The following GAPVD1 variants were observed in gnomAD, a reference collection of about 807,000 sequenced individuals.
GAPVD1 encodes the protein GTPase activating protein and VPS9 domains 1.
GAPVD1 carries 35 observed loss-of-function variants against 155.5 expected under a neutral mutation model. The observed-to-expected ratio is 0.23, with a 90% CI of 0.17 to 0.30. The LOEUF (loss-of-function observed/expected upper bound fraction) is 0.30. Ranked by LOEUF, GAPVD1 falls within the 10% of genes least tolerant of loss-of-function variation. The probability of loss-of-function intolerance (pLI) is 1.00; values close to 1 mark genes in which losing one functional copy is unlikely to be tolerated. For synonymous variants in GAPVD1, 636 were observed against 619.7 expected (o/e 1.03, Z -0.39); for missense variants, 1,429 against 1,775.7 (o/e 0.80, Z 3.51).
At chr9:125,335,643 C>T (rs1174734942) in intron 15 of GAPVD1, among the ~76,000 whole-genome samples, 1 of 152,108 alleles carries the variant, frequency 6.6e-6, no homozygotes, top group East Asian at 1.9e-4. Context: ...CACCACTGCA[C>T]TCCACCCTGG....
At chr9:125,269,734 T>G (rs536604070) in intron 2 of GAPVD1, among the ~76,000 whole-genome samples, 35 of 139,298 alleles carry the variant, frequency 2.5e-4, no homozygotes, top group African/African-American at 8.5e-4. Flanking sequence ...TTTTTTTTTT[T>G]GGAGGCAGAG....
At chr9:125,288,501 T>C (rs546206848) in intron 2 of GAPVD1, among the ~76,000 whole-genome samples, 1 of 152,338 alleles carries the variant, frequency 6.6e-6, no homozygotes, top group South Asian at 2.1e-4. Flanking sequence ...TTTCTACCTT[T>C]TGTTTTGAAG....
intron 13 of GAPVD1, among the ~76,000 whole-genome samples, chr9:125,331,204 A>ATT (rs5900651): frequency 6.8e-6 from 1 of 146,576 alleles, no homozygotes. Flanking sequence ...GTGTTTTATA[A>ATT]TTTTTTTTTT....
intron 4 of GAPVD1, among the ~76,000 whole-genome samples, chr9:125,301,194 T>C (rs1163578841): frequency 6.6e-6 from 1 of 152,054 alleles, no homozygotes; most frequent in African/African-American, 2.4e-5. Context: ...CTCAGCCTCC[T>C]GAGTGCTGGG....
At chr9:125,305,838 G>T (rs1841707835) in intron 6 of GAPVD1, among the ~76,000 whole-genome samples, 1 of 152,026 alleles carries the variant, frequency 6.6e-6, no homozygotes, top group South Asian at 2.1e-4. Context: ...TATTGTTATA[G>T]AGACGAGGTC....
intron 4 of GAPVD1, among the ~76,000 whole-genome samples, chr9:125,301,674 T>A (rs890386006): frequency 3.3e-5 from 5 of 152,068 alleles, no homozygotes; most frequent in African/African-American, 1.2e-4. Flanking sequence ...GGTCTCGACC[T>A]CCTGGCCTCA....
intron 4 of GAPVD1, among the ~76,000 whole-genome samples, chr9:125,300,039 ATATATATATATATAT>A (rs1485466794): frequency 0.018 from 268 of 15,148 alleles, 71 homozygotes; most frequent in East Asian, 0.029. Context: ...AAAAAAAAAA[ATATATATATATATAT>A]ATATATATAT....
At chr9:125,299,164 A>G in intron 4 of GAPVD1, 58 bp downstream of exon 4, 1 of 839,556 alleles carries the variant, frequency 1.2e-6, no homozygotes, top group South Asian at 2.0e-5. Flanking sequence ...CTGTAAATAA[A>G]TTAGTAACTA....
intron 26 of GAPVD1, 53 bp from the exon 27 acceptor site, chr9:125,360,475 C>T (rs751252879): frequency 2.8e-4 from 400 of 1,440,600 alleles, no homozygotes; most frequent in East Asian, 4.8e-4. Flanking sequence ...GTAGTCACTG[C>T]GCAGGGTTGC....
chr9:125,350,469 G>A (rs1240605553), intron 22 of GAPVD1, 65 bp downstream of exon 22: 6 of 1,021,326 alleles, frequency 5.9e-6, no homozygotes, highest in African/African-American at 3.2e-5. Flanking sequence ...GAAATTGCCA[G>A]TATTCAGCTG....
chr9:125,348,020 AGT>A (rs1213078323), intron 20 of GAPVD1, among the ~76,000 whole-genome samples: 1 of 151,094 alleles, frequency 6.6e-6, no homozygotes, highest in South Asian at 2.1e-4. Context: ...ATATATAGAG[AGT>A]GTGTGTGTGT....
intron 3 of GAPVD1, among the ~76,000 whole-genome samples, chr9:125,298,481 A>ATTTTT (rs34644117): frequency 1.1e-4 from 10 of 89,250 alleles, no homozygotes; most frequent in African/African-American, 1.9e-4. Flanking sequence ...ATGTAACCTA[A>ATTTTT]TTTTTTTTTT....
At chr9:125,319,924 G>T (rs971002393) in intron 9 of GAPVD1, among the ~76,000 whole-genome samples, 18 of 152,280 alleles carry the variant, frequency 1.2e-4, no homozygotes, top group Admixed American at 6.5e-5. Context: ...AAGGCATCAT[G>T]TGTAAATGTA....
chr9:125,360,732 C>A lies in GAPVD1; in HGVS notation c.4242+7C>A. 6.2e-7 allele frequency: 1 copy of A among 1,607,712 alleles called. No homozygotes were observed. The highest frequency in any genetic ancestry group is 8.5e-7 in the Non-Finnish European group (1 of 1,175,010). ...GGTGTTTGTGTTGATAAAGGTGGGCCCCTTACTACTATCAGTTAAGGAGTT... is the reference window on the plus strand; with the variant it reads ...GGTGTTTGTGTTGATAAAGGTGGGCACCTTACTACTATCAGTTAAGGAGTT... On this transcript the variant is annotated splice_region_variant and intron_variant, in intron 27 of 27. Transcript: ENST00000297933.
intron 2 of GAPVD1, among the ~76,000 whole-genome samples, chr9:125,277,353 ATC>A (rs1835949675): frequency 6.6e-6 from 1 of 152,174 alleles, no homozygotes; most frequent in Non-Finnish European, 1.5e-5. Context: ...ATGAGGAAAT[ATC>A]TGAGTCAAGG....
intron 20 of GAPVD1, among the ~76,000 whole-genome samples, chr9:125,348,339 T>G (rs1003581931): frequency 6.6e-6 from 1 of 152,132 alleles, no homozygotes; most frequent in Admixed American, 6.6e-5. Flanking sequence ...TTTTCATATA[T>G]GAACACAATA....
intron 10 of GAPVD1, among the ~76,000 whole-genome samples, chr9:125,321,970 C>A (rs1844387345): frequency 6.6e-6 from 1 of 152,148 alleles, no homozygotes; most frequent in Non-Finnish European, 1.5e-5. Flanking sequence ...CACACTCACA[C>A]ATACCTTTAT....
intron 19 of GAPVD1, among the ~76,000 whole-genome samples, chr9:125,342,852 T>C (rs1028306913): frequency 6.6e-6 from 1 of 152,160 alleles, no homozygotes; most frequent in Non-Finnish European, 1.5e-5. Context: ...AAAACTTTAC[T>C]AATTTTTTAC....
rs1377018381 is a variant in GAPVD1, at chr9:125,307,783, G to A, written c.1344G>A (p.Lys448=). 3 of 1,613,768 alleles carry A rather than the reference G, an allele frequency of 1.9e-6. No homozygotes were observed. The Admixed American group carries it at 5.0e-5, about 27-fold the overall frequency. ...TATTGGCAAACCTACCCCCGGCCAA[G>A]CCAGGAAAAAGTAGCAGTTTAGAAA... ...DNLLANLPPA[K]PGKSSSLEMT... is the part of the protein sequence containing the mutation. Residue 448 remains lysine, a synonymous_variant, in exon 8 of 28, where the codon AAG becomes AAA. Transcript: ENST00000297933.
Sources: gnomAD v4.1 joint callset for allele counts (sites outside exome capture counted in the v4.1 genomes callset) on GRCh38, gnomAD v4.1.1 for gene constraint, MANE v1.5 for transcripts, NCBI Gene and HGNC (gene_info 2026-07-23, HGNC 2026-07-21) for gene names.